FLG: variants seen among roughly 807,000 people sequenced by gnomAD.
FLG encodes the protein epidermal filaggrin.
In FLG, 6 loss-of-function variants were observed where a neutral mutation model predicts 3.8. That is an observed-to-expected ratio of 1.60 (90% CI 0.87 to 3.15). FLG has a LOEUF of 3.15. Ranked by LOEUF, FLG falls within the 30% of genes most tolerant of loss-of-function variation. The pLI, the probability that FLG is intolerant of heterozygous loss-of-function variation, is 0.00. For missense variants in FLG, 7,595 were observed against 5,050.9 expected (o/e 1.50, Z -15.27); for synonymous variants, 2,551 against 1,931.6 (o/e 1.32, Z -8.41).
chr1:152,307,749 G>C lies in FLG; in HGVS notation c.7137C>G (p.Asp2379Glu). 2 of 1,613,316 alleles carry C rather than the reference G, an allele frequency of 1.2e-6. No individual in the cohort carries two copies. The highest frequency in any genetic ancestry group is 8.5e-7 in the Non-Finnish European group (1 of 1,179,758). The change falls in exon 3 of 3, where the codon GAC (aspartate) becomes GAG (glutamate). Residue 2379 changes from aspartate to glutamate, a missense_variant. Asp to Glu is a conservative substitution (Grantham distance 45). Transcript: ENST00000368799. The stretch of plus-strand genomic sequence containing the variant: ...GTCCGTGGGCTGACACTGACTGTGT[G>C]TCTGAGTCTTCTGAATGTCCCTCAC... Reference protein sequence around the residue: ...SDSEGHSEDSDTQSVSAHGQA... With the variant: ...SDSEGHSEDSETQSVSAHGQA...
In FLG at chr1:152,311,600, G is replaced by C; in HGVS notation, c.3286C>G (p.Gln1096Glu). ...CGTGCGGACTCTTGGTGGCTCTGCT[G>C]ATGGGGCCCATCCTGTCCATGGCCT... The part of the protein sequence containing the change: ...VSGHGQDGPH[Q>E]QSHQESARDW... The change falls in exon 3 of 3, where the codon CAG becomes GAG. Residue 1096 changes from glutamine to glutamate, a missense_variant. Coordinates refer to ENST00000368799, the MANE Select transcript of FLG (RefSeq NM_002016.2). The C allele has an allele frequency of 6.2e-7, 1 of 1,614,082 alleles. No homozygotes were observed. Among genetic ancestry groups the C allele is most frequent in the Non-Finnish European group, 8.5e-7 (1 of 1,180,022 alleles).
rs751196667 is a variant in FLG at position 152,307,287 on chromosome 1, A to C, written c.7599T>G (p.Arg2533=). Residue 2533 remains arginine (R), a synonymous_variant, in exon 3 of 3, where the codon CGT becomes CGG. Coordinates refer to ENST00000368799, the MANE Select transcript of FLG (RefSeq NM_002016.2). ...CGGCCCGAGAGGAAGCTTCATGGTG[A>C]CGCGACCCTGAGTGCCTGGAGCCGT... The part of the protein sequence containing the change: ...SGDGSRHSGS[R]HHEASSRADS... 3 of 1,612,690 alleles carry C rather than the reference A, an allele frequency of 1.9e-6. No homozygotes were observed. In the South Asian group the frequency reaches 3.3e-5, roughly 18 times the overall value.
At position 152,309,676 on chromosome 1, in the gene FLG, T is replaced by C. The variant is rs759145816; in HGVS notation, c.5210A>G (p.His1737Arg). The change falls in exon 3 of 3, where the codon CAC becomes CGC. Residue 1737 changes from histidine to arginine, a missense_variant. By Grantham distance (29) the His-to-Arg change is conservative. Transcript: ENST00000368799. ...CTGCTGATGGGGCCCAGCCTGTCCGTGGGCTGACACTGACTGTGTGTCTGA... is the reference window on the plus strand; with the variant it reads ...CTGCTGATGGGGCCCAGCCTGTCCGCGGGCTGACACTGACTGTGTGTCTGA... ...EESDTQSVSA[H>R]GQAGPHQQSH... 6.4e-5 allele frequency: 103 copies of C among 1,613,844 alleles called. 1 individual carries two copies. Among genetic ancestry groups the C allele is most frequent in the Non-Finnish European group, 8.2e-5 (97 of 1,179,998 alleles).
chr1:152,313,494 A>G lies in FLG; in HGVS notation c.1392T>C (p.Arg464=). The change falls in exon 3 of 3, where the codon CGT becomes CGC. Residue 464 remains arginine (R), a synonymous_variant. Coordinates refer to ENST00000368799, the MANE Select transcript of FLG (RefSeq NM_002016.2). ...TCACCTGGTAGAGGGAAGACCCTGA[A>G]CGTCCAGACCGTTCCCCTGACCGGC... ...TRGRSGERSG[R]SGSSLYQVST... The G allele has an allele frequency of 1.9e-6, 3 of 1,613,110 alleles. No homozygotes were observed. Among genetic ancestry groups the G allele is most frequent in the Non-Finnish European group, 2.5e-6 (3 of 1,179,782 alleles).
In FLG at chr1:152,314,202, T is replaced by C; in HGVS notation, c.684A>G (p.Ile228Met). 1.9e-6 allele frequency: 3 copies of C among 1,614,098 alleles called. No individual in the cohort carries two copies. Among genetic ancestry groups the C allele is most frequent in the Non-Finnish European group, 2.5e-6 (3 of 1,180,004 alleles). ...ENTGRMTQKWIQSGHIATYYT... is the reference protein window; with the variant it reads ...ENTGRMTQKWMQSGHIATYYT... ...AATATGTGGCAATATGGCCTGATTG[T>C]ATCCATTTTTGAGTCATTCTTCCTG... is the stretch of plus-strand genomic sequence containing the variant. Residue 228 changes from isoleucine (I) to methionine (M), a missense_variant, in exon 3 of 3, where the codon ATA becomes ATG. By Grantham distance (10) the Ile-to-Met change is conservative. Coordinates refer to ENST00000368799, the MANE Select transcript of FLG (RefSeq NM_002016.2).
At position 152,310,284 on chromosome 1, in the gene FLG, C is replaced by A. The variant is rs549641255; in HGVS notation, c.4602G>T (p.Gln1534His). ...PQGRSDASHGQSGPRSASRQT... is the reference protein window; with the variant it reads ...PQGRSDASHGHSGPRSASRQT... ...GCCTGCTTGCACTTCTGGGTCCTGACTGCCCATGGGAGGCATCAGACCTTC... is the reference window on the plus strand; with the variant it reads ...GCCTGCTTGCACTTCTGGGTCCTGAATGCCCATGGGAGGCATCAGACCTTC... The change falls in exon 3 of 3, where the codon CAG becomes CAT. Residue 1534 changes from glutamine to histidine, a missense_variant. Coordinates refer to ENST00000368799, the MANE Select transcript of FLG (RefSeq NM_002016.2). 4.3e-6 allele frequency: 7 copies of A among 1,613,778 alleles called. No individual in the cohort carries two copies. In the South Asian group the frequency reaches 7.7e-5, roughly 18 times the overall value.
At position 152,302,940 on chromosome 1, in the gene FLG, T is replaced by G. The variant is rs1417742874; in HGVS notation, c.11946A>C (p.Ala3982=). The G allele has an allele frequency of 1.2e-6, 2 of 1,614,094 alleles. No individual in the cohort carries two copies. Among genetic ancestry groups the G allele is most frequent in the East Asian group, 2.2e-5 (1 of 44,898 alleles). ...LVWRHGSYGS[A]DYDYGESGFR... is the part of the protein sequence containing the mutation. ...ACCCGGATTCACCATAATCATAATC[T>G]GCACTACCATAGCTGCCATGTCTCC... is the stretch of plus-strand genomic sequence containing the variant. Residue 3982 remains alanine (A), a synonymous_variant, in exon 3 of 3, where the codon GCA becomes GCC. Coordinates refer to ENST00000368799, the MANE Select transcript of FLG (RefSeq NM_002016.2).
At position 152,313,878 on chromosome 1, in the gene FLG, G is replaced by A. The variant is rs774086464; in HGVS notation, c.1008C>T (p.Pro336=). 3.7e-6 allele frequency: 6 copies of A among 1,613,920 alleles called. No individual in the cohort carries two copies. The highest frequency in any genetic ancestry group is 1.3e-5 in the African/African-American group (1 of 74,980). ...WEQSRDGSRH[P]RSHDEDRASH... The stretch of plus-strand genomic sequence containing the variant: ...TGGCTCTGTCTTCATCATGGGACCT[G>A]GGGTGTCTGGAGCCATCTCTTGACT... Residue 336 remains proline (P), a synonymous_variant, in exon 3 of 3, where the codon CCC becomes CCT. Transcript: ENST00000368799.
In FLG at chr1:152,307,065, C is replaced by T; in HGVS notation, c.7821G>A (p.Arg2607=). ...GACCAGCTCTGTCTTCTTGATGGGACCTGGGGTGTCTGGAGCCATCTCTTA... is the reference window on the plus strand; with the variant it reads ...GACCAGCTCTGTCTTCTTGATGGGATCTGGGGTGTCTGGAGCCATCTCTTA... The part of the protein sequence containing the change: ...EQLRDGSRHP[R]SHQEDRAGHG... Residue 2607 remains arginine, a synonymous_variant, in exon 3 of 3, where the codon AGG becomes AGA. Transcript: ENST00000368799. 6.2e-7 allele frequency: 1 copy of T among 1,608,414 alleles called. No homozygotes were observed. Among genetic ancestry groups the T allele is most frequent in the East Asian group, 2.2e-5 (1 of 44,616 alleles).
In FLG at chr1:152,309,221, A is replaced by T. The variant is rs764993093; in HGVS notation, c.5665T>A (p.Ser1889Thr). The T allele has an allele frequency of 2.5e-6, 4 of 1,613,050 alleles. No homozygotes were observed. The highest frequency in any genetic ancestry group is 1.3e-5 in the African/African-American group (1 of 74,518). The change falls in exon 3 of 3, where the codon TCC (serine) becomes ACC (threonine). Residue 1889 changes from serine to threonine, a missense_variant. Ser to Thr is a moderately conservative substitution (Grantham distance 58). Coordinates refer to ENST00000368799, the MANE Select transcript of FLG (RefSeq NM_002016.2). Reference protein sequence around the residue: ...RHSGSRHHEASSRADSSRHSQ... With the variant: ...RHSGSRHHEATSRADSSRHSQ... Reference sequence around the variant, plus strand: ...TGTCTAGAGCTGTCGGCCCGAGAGGAAGCTTCATGGTGACGCGACCCTGAG... The same window carrying T: ...TGTCTAGAGCTGTCGGCCCGAGAGGTAGCTTCATGGTGACGCGACCCTGAG...
chr1:152,309,079 C>A lies in FLG; in HGVS notation c.5807G>T (p.Gly1936Val), dbSNP rs770530360. Residue 1936 changes from glycine to valine, a missense_variant, in exon 3 of 3, where the codon GGG (glycine) becomes GTG (valine). By Grantham distance (109) the Gly-to-Val change is moderately radical. Coordinates refer to ENST00000368799, the MANE Select transcript of FLG (RefSeq NM_002016.2). ...GHSEDSERWS[G>V]SASRNHLGSA... is the part of the protein sequence containing the mutation. ...TCCAAGATGGTTTCTGGAAGCAGAC[C>A]CAGACCACCTCTCAGAGTCTTCTGA... is the stretch of plus-strand genomic sequence containing the variant. The A allele has an allele frequency of 6.2e-7, 1 of 1,614,050 alleles. No homozygotes were observed. The highest frequency in any genetic ancestry group is 8.5e-7 in the Non-Finnish European group (1 of 1,179,980).
In FLG at chr1:152,302,445, A is replaced by T. The variant is rs1651668073; in HGVS notation, c.*255T>A. ...ACATTACTTGACCCAGAATCTCCTAAAATACTCCAGCTAGTTTTCTAAAGT... is the reference window on the plus strand; with the variant it reads ...ACATTACTTGACCCAGAATCTCCTATAATACTCCAGCTAGTTTTCTAAAGT... On this transcript the variant is annotated 3_prime_UTR_variant, in exon 3 of 3. Transcript: ENST00000368799. The T allele has an allele frequency of 2.0e-6, 1 of 504,934 alleles. No homozygotes were observed. The highest frequency in any genetic ancestry group is 1.9e-5 in the African/African-American group (1 of 52,078). 31.3% of individuals were successfully genotyped at this position (504,934 alleles called of 1,614,324 possible).
rs780251042 is a variant in FLG, at chr1:152,314,752, A to G, written c.139-5T>C. The stretch of plus-strand genomic sequence containing the variant: ...CATATCTGGGTCATCTGGATTCTGT[A>G]CAGAGGGAAGTCACAGAGGGAGACT... On this transcript the variant is annotated splice_region_variant and splice_polypyrimidine_tract_variant and intron_variant, in intron 2 of 2. Transcript: ENST00000368799. 1.9e-6 allele frequency: 3 copies of G among 1,613,766 alleles called. No individual in the cohort carries two copies. The East Asian group carries it at 6.7e-5, about 36-fold the overall frequency.
In FLG at chr1:152,311,083, G is replaced by C; in HGVS notation, c.3803C>G (p.Ser1268Cys). Residue 1268 changes from serine (S) to cysteine (C), a missense_variant, in exon 3 of 3, where the codon TCC becomes TGC. Coordinates refer to ENST00000368799, the MANE Select transcript of FLG (RefSeq NM_002016.2). Reference sequence around the variant, plus strand: ...ACTGTCACTGTCCTGGCTAACACTGGATCCCTGGTGCCTGCTTGTCCTGGA... The same window carrying C: ...ACTGTCACTGTCCTGGCTAACACTGCATCCCTGGTGCCTGCTTGTCCTGGA... The part of the protein sequence containing the change: ...SGSRTSRHQG[S>C]SVSQDSDSER... The C allele has an allele frequency of 1.9e-6, 3 of 1,613,882 alleles. No homozygotes were observed. The South Asian group carries it at 3.3e-5, about 18-fold the overall frequency.
chr1:152,315,269 T>A (rs764631507), intron 2 of FLG, 50 bp downstream of exon 2: 1 of 1,573,560 alleles, frequency 6.4e-7, no homozygotes, highest in South Asian at 1.1e-5. Flanking sequence ...GCTTAGATTA[T>A]TGATGAGAAA....
In FLG at chr1:152,314,107, G is replaced by C. The variant is rs199885226; in HGVS notation, c.779C>G (p.Ser260Ter). The C allele has an allele frequency of 8.7e-6, 14 of 1,613,954 alleles. No homozygotes were observed. The highest frequency in any genetic ancestry group is 1.7e-5 in the Admixed American group (1 of 59,996). Residue 260 changes from serine to a stop codon, truncating the protein, a stop_gained, in exon 3 of 3, where the codon TCA becomes TGA. Coordinates refer to ENST00000368799, the MANE Select transcript of FLG (RefSeq NM_002016.2). LOFTEE classifies it low-confidence loss of function (END_TRUNC). ...TGATGATTTGCCATCAGATGACCTT[G>C]ATCTTTCATATATTTTGTTTTCTTC... is the stretch of plus-strand genomic sequence containing the variant. ...LLEENKIYER[S>*]RSSDGKSSSQ...
rs142026832 is a variant in FLG, at chr1:152,307,290, C to T, written c.7596G>A (p.Ser2532=). The change falls in exon 3 of 3, where the codon TCG becomes TCA. Residue 2532 remains serine (S), a synonymous_variant. Transcript: ENST00000368799. Reference sequence around the variant, plus strand: ...CCCGAGAGGAAGCTTCATGGTGACGCGACCCTGAGTGCCTGGAGCCGTCTC... The same window carrying T: ...CCCGAGAGGAAGCTTCATGGTGACGTGACCCTGAGTGCCTGGAGCCGTCTC... ...QSGDGSRHSG[S]RHHEASSRAD... 142 of 1,612,736 alleles carry T rather than the reference C, an allele frequency of 8.8e-5. No individual in the cohort carries two copies. The highest frequency in any genetic ancestry group is 7.8e-4 in the Admixed American group (47 of 59,896).
Position 152,307,492 on chromosome 1 carries a change from T to G in FLG, c.7394A>C (p.His2465Pro), listed in dbSNP as rs751529399. 3.1e-6 allele frequency: 5 copies of G among 1,613,262 alleles called. No individual in the cohort carries two copies. The highest frequency in any genetic ancestry group is 1.3e-5 in the African/African-American group (1 of 74,828). Residue 2465 changes from histidine (H) to proline (P), a missense_variant, in exon 3 of 3, where the codon CAC becomes CCC. Coordinates refer to ENST00000368799, the MANE Select transcript of FLG (RefSeq NM_002016.2). ...SQEGQDTIHGHPGSSSGGRQG... is the reference protein window; with the variant it reads ...SQEGQDTIHGPPGSSSGGRQG... The stretch of plus-strand genomic sequence containing the variant: ...CCTTCCTCCACTGCTTGACCCCGGG[T>G]GTCCATGAATGGTGTCCTGACCCTC...
chr1:152,313,855 G>A lies in FLG; in HGVS notation c.1031C>T (p.Ala344Val). 6.2e-7 allele frequency: 1 copy of A among 1,613,992 alleles called. No homozygotes were observed. The highest frequency in any genetic ancestry group is 8.5e-7 in the Non-Finnish European group (1 of 1,179,942). ...RHPRSHDEDR[A>V]SHGHSADSSR... ...GCTGTCTGCAGAGTGCCCATGACTG[G>A]CTCTGTCTTCATCATGGGACCTGGG... The change falls in exon 3 of 3, where the codon GCC becomes GTC. Residue 344 changes from alanine to valine, a missense_variant. Coordinates refer to ENST00000368799, the MANE Select transcript of FLG (RefSeq NM_002016.2).
Sources: allele counts gnomAD v4.1 joint callset, GRCh38; gene constraint gnomAD v4.1.1; transcripts MANE v1.5; gene names NCBI Gene and HGNC (gene_info 2026-07-23, HGNC 2026-07-21).